Variants in CRBN observed in about 807,000 individuals in gnomAD.
The protein encoded by CRBN is cereblon.
In CRBN, 53 loss-of-function variants were observed where a neutral mutation model predicts 62.2. The ratio of observed to expected loss-of-function variants is 0.85; its 90% CI spans 0.68 to 1.07. The LOEUF (loss-of-function observed/expected upper bound fraction) is 1.07, where lower values mean the gene tolerates loss of function less well. Ranked by LOEUF, CRBN falls within the 50% of genes least tolerant of loss-of-function variation. CRBN has a pLI of 0.00. For synonymous variants in CRBN, 208 were observed against 176.1 expected (o/e 1.18, Z -1.43); for missense variants, 616 against 531.1 (o/e 1.16, Z -1.57).
rs1707818379 is a variant in CRBN, at chr3:3,176,177, C to T, written c.68-908G>A. Among the ~76,000 whole-genome samples the T allele has an allele frequency of 1.3e-5, 2 of 152,238 alleles. 1 individual carries two copies. Among genetic ancestry groups the T allele is most frequent in the South Asian group, 4.1e-4 (2 of 4,820 alleles). ...TCTATATGGGAGATTTTTCTCTTCT[C>T]CCTCACCAGTAACTAATTTTAACAC... On this transcript the variant is annotated intron_variant, in intron 1 of 10. Transcript: ENST00000231948.
At chr3:3,158,339 C>T (rs1482251107) in intron 5 of CRBN, among the ~76,000 whole-genome samples, 4 of 152,268 alleles carry the variant, frequency 2.6e-5, no homozygotes, top group Admixed American at 2.0e-4. Flanking sequence ...CGTCCCGGTT[C>T]CTAACAGGCC....
intron 8 of CRBN, 140 bp downstream of exon 8, chr3:3,153,820 T>C: frequency 1.5e-6 from 1 of 679,006 alleles, no homozygotes. Flanking sequence ...AATGAGTTTG[T>C]TTGTAAGATC....
chr3:3,159,030 C>T (rs1395870148), intron 5 of CRBN, among the ~76,000 whole-genome samples: 1 of 152,172 alleles, frequency 6.6e-6, no homozygotes, highest in Non-Finnish European at 1.5e-5. Context: ...GGCACTTCTT[C>T]CTGCCATCAT....
chr3:3,176,838 A>C (rs1707840568), intron 1 of CRBN, among the ~76,000 whole-genome samples: 1 of 152,256 alleles, frequency 6.6e-6, no homozygotes, highest in Admixed American at 6.5e-5. Flanking sequence ...ATTTTAAAAG[A>C]ATGTCTTAGA....
chr3:3,178,400 T>C (rs1340246248), intron 1 of CRBN, among the ~76,000 whole-genome samples: 1 of 152,206 alleles, frequency 6.6e-6, no homozygotes, highest in Non-Finnish European at 1.5e-5. Flanking sequence ...TAGATTTCTT[T>C]AGGCAATTAC....
At chr3:3,151,579 A>C (rs1489884685) in intron 10 of CRBN, among the ~76,000 whole-genome samples, 1 of 152,160 alleles carries the variant, frequency 6.6e-6, no homozygotes, top group East Asian at 1.9e-4. Flanking sequence ...AAGATAAACC[A>C]TGTAATTGCA....
At chr3:3,152,358 A>G in intron 10 of CRBN, 98 bp downstream of exon 10, 1 of 1,294,634 alleles carries the variant, frequency 7.7e-7, no homozygotes, top group South Asian at 1.3e-5. Flanking sequence ...TCTACTTTTT[A>G]TTATAAAGAT....
chr3:3,173,068 A>G (rs1370855315), intron 3 of CRBN, 143 bp from the exon 4 acceptor site: 21 of 715,104 alleles, frequency 2.9e-5, no homozygotes, highest in African/African-American at 3.6e-5. Context: ...TTATTTATTT[A>G]TTTGTTTGAG....
At chr3:3,177,013 T>C (rs374860223) in intron 1 of CRBN, among the ~76,000 whole-genome samples, 23 of 152,208 alleles carry the variant, frequency 1.5e-4, no homozygotes, top group African/African-American at 5.1e-4. Context: ...TCAGGGGATA[T>C]TGGTTGCAAT....
intron 5 of CRBN, 117 bp downstream of exon 5, chr3:3,167,517 T>C: frequency 2.1e-6 from 2 of 967,278 alleles, no homozygotes; most frequent in East Asian, 2.4e-5. Context: ...GTAGCTGGAA[T>C]ATTGCCATAC....
rs974518187 is a variant in CRBN at position 3,179,555 on chromosome 3, C to A, written c.67+66G>T. The A allele has an allele frequency of 1.1e-5, 17 of 1,521,228 alleles. No homozygotes were observed. The Admixed American group carries it at 1.5e-4, about 14-fold the overall frequency. 94.2% of individuals were successfully genotyped at this position (1,521,228 alleles called of 1,614,324 possible). ...CCCCACGCCCGCCTCCCAGGCCCAG[C>A]TGCACCGCTAGCGGCTCCGAGCCTC... On this transcript the variant is annotated intron_variant, in intron 1 of 10. Coordinates refer to ENST00000231948, the MANE Select transcript of CRBN (RefSeq NM_016302.4).
intron 1 of CRBN, among the ~76,000 whole-genome samples, chr3:3,178,453 C>G (rs1262053926): frequency 1.3e-5 from 2 of 152,102 alleles, no homozygotes; most frequent in Non-Finnish European, 2.9e-5. Context: ...AGGAAAAACC[C>G]AAACCCACTG....
At chr3:3,176,221 C>T (rs1707819618) in intron 1 of CRBN, among the ~76,000 whole-genome samples, 1 of 152,132 alleles carries the variant, frequency 6.6e-6, no homozygotes, top group Non-Finnish European at 1.5e-5. Flanking sequence ...ACTCATTCTG[C>T]CCAATTAAAT....
At position 3,175,176 on chromosome 3, in the gene CRBN, G is replaced by T; in HGVS notation, c.161C>A (p.Pro54Gln). The T allele has an allele frequency of 6.2e-7, 1 of 1,606,582 alleles. No individual in the cohort carries two copies. Among genetic ancestry groups the T allele is most frequent in the Non-Finnish European group, 8.5e-7 (1 of 1,173,568 alleles). Residue 54 changes from proline to glutamine, a missense_variant, in exon 2 of 11, where the codon CCG (proline) becomes CAG (glutamine). Physicochemically the swap from Pro to Gln is moderately conservative, Grantham distance 76 (BLOSUM62 -1). Transcript: ENST00000231948. ...TAAATTACATACTGTATGTGATGTC[G>T]GCAGACTGGTGTCAAAATTTATGAT... ...PNIINFDTSL[P>Q]TSHTYLGADM...
intron 5 of CRBN, among the ~76,000 whole-genome samples, chr3:3,163,028 C>G (rs1707200786): frequency 6.6e-6 from 1 of 152,226 alleles, no homozygotes; most frequent in Non-Finnish European, 1.5e-5. Context: ...CCAAAGATAT[C>G]TGCCATCCCC....
intron 1 of CRBN, among the ~76,000 whole-genome samples, chr3:3,176,052 G>A (rs1575102639): frequency 6.6e-6 from 1 of 151,950 alleles, no homozygotes; most frequent in Non-Finnish European, 1.5e-5. Flanking sequence ...TTTTCACATT[G>A]TACCCTTCGG....
chr3:3,153,554 T>C lies in CRBN; in HGVS notation c.952-66A>G, dbSNP rs1009525432. Reference sequence around the variant, plus strand: ...GCATTCACTTTATCATGTAATCACATAGATCATCAAGAAACTTACTTATAA... The same window carrying C: ...GCATTCACTTTATCATGTAATCACACAGATCATCAAGAAACTTACTTATAA... On this transcript the variant is annotated intron_variant, in intron 8 of 10. Coordinates refer to ENST00000231948, the MANE Select transcript of CRBN (RefSeq NM_016302.4). 3 of 883,866 alleles carry C rather than the reference T, an allele frequency of 3.4e-6. No homozygotes were observed. The East Asian group carries it at 7.2e-5, about 21-fold the overall frequency. 54.8% of individuals were successfully genotyped at this position (883,866 alleles called of 1,614,324 possible). A position where few individuals can be genotyped will look rare whatever the true frequency, so the allele number is the denominator to read the frequency against.
intron 3 of CRBN, chr3:3,173,814 A>G: frequency 1.9e-6 from 1 of 523,130 alleles, no homozygotes; most frequent in South Asian, 2.5e-5. Context: ...AATGATTAAA[A>G]ATTTTTCAAA....
chr3:3,159,584 C>T (rs1309699402), intron 5 of CRBN, among the ~76,000 whole-genome samples: 2 of 152,240 alleles, frequency 1.3e-5, no homozygotes, highest in Non-Finnish European at 1.5e-5. Flanking sequence ...GGCATTCACT[C>T]TGCCACCATG....
Sources: allele counts gnomAD v4.1 joint callset (sites outside exome capture counted in the v4.1 genomes callset), GRCh38; gene constraint gnomAD v4.1.1; transcripts MANE v1.5; gene names NCBI Gene and HGNC (gene_info 2026-07-23, HGNC 2026-07-21).